Variants in SDK1 observed in about 807,000 individuals in gnomAD.
SDK1 encodes protein sidekick-1.
In SDK1, 157 loss-of-function variants were observed where a neutral mutation model predicts 245.5. The ratio of observed to expected loss-of-function variants is 0.64; its 90% CI spans 0.56 to 0.73. The LOEUF is 0.73. Among genes scored for constraint, SDK1 ranks in the 30% least tolerant of loss-of-function variants. SDK1 has a pLI of 0.00. For synonymous variants in SDK1, 1,647 were observed against 1,278.5 expected (o/e 1.29, Z -6.15); for missense variants, 3,583 against 3,002.3 (o/e 1.19, Z -4.52).
chr7:3,323,055 G>A (rs542069516), intron 1 of SDK1, among the ~76,000 whole-genome samples: 15 of 152,148 alleles, frequency 9.9e-5, no homozygotes, highest in Non-Finnish European at 2.1e-4. Flanking sequence ...GCCCATCTCG[G>A]CCTCCTAGAG....
chr7:4,168,129 G>A (rs1410947227), intron 32 of SDK1, among the ~76,000 whole-genome samples: 2 of 152,294 alleles, frequency 1.3e-5, no homozygotes, highest in East Asian at 1.9e-4. Context: ...TGTAAGTGAC[G>A]CTCCCACTGG....
chr7:3,687,431 A>G (rs1349196876), intron 4 of SDK1, among the ~76,000 whole-genome samples: 3 of 152,160 alleles, frequency 2.0e-5, no homozygotes, highest in Middle Eastern at 3.2e-3. Context: ...CCAGCCCCAT[A>G]GCATTTTTAT....
intron 1 of SDK1, among the ~76,000 whole-genome samples, chr7:3,412,600 C>G (rs1411361150): frequency 6.6e-6 from 1 of 152,218 alleles, no homozygotes; most frequent in Non-Finnish European, 1.5e-5. Context: ...CGTGTCATTT[C>G]ACACATGTGC....
chr7:4,267,375 G>A lies in SDK1; in HGVS notation c.*1991G>A. ...TCTCCTCCTTTTTCTGAGTGGAGGG[G>A]GAAATATTCTAAACCAAAAATCCTA... is the stretch of plus-strand genomic sequence containing the variant. On this transcript the variant is annotated 3_prime_UTR_variant, in exon 45 of 45. Transcript: ENST00000404826. The A allele has an allele frequency of 4.1e-6, 4 of 984,636 alleles. No homozygotes were observed. The highest frequency in any genetic ancestry group is 4.8e-6 in the Non-Finnish European group (4 of 829,694). The allele number at this position is 984,636 out of a possible 1,614,324, so 61.0% of individuals were successfully genotyped here. A position where few individuals can be genotyped will look rare whatever the true frequency, so the allele number is the denominator to read the frequency against.
chr7:3,789,283 G>A (rs969548273), intron 4 of SDK1, among the ~76,000 whole-genome samples: 2 of 152,156 alleles, frequency 1.3e-5, no homozygotes, highest in Admixed American at 1.3e-4. Context: ...AAGTAGCTGG[G>A]ATTCCAGGCA....
At chr7:3,991,265 G>A (rs765354099) in intron 14 of SDK1, among the ~76,000 whole-genome samples, 1 of 152,144 alleles carries the variant, frequency 6.6e-6, no homozygotes. Context: ...CGTGAGATGG[G>A]GCTGGGGCGT....
At chr7:4,262,545 C>T (rs1788085174) in intron 44 of SDK1, among the ~76,000 whole-genome samples, 2 of 151,756 alleles carry the variant, frequency 1.3e-5, no homozygotes, top group South Asian at 2.1e-4. Context: ...TTTGAGGGGC[C>T]AGGCCATTCA....
intron 5 of SDK1, among the ~76,000 whole-genome samples, chr7:3,935,606 C>A (rs1487174602): frequency 6.6e-6 from 1 of 152,162 alleles, no homozygotes; most frequent in African/African-American, 2.4e-5. Context: ...ATACAAATGA[C>A]TGGTAAGCAC....
intron 17 of SDK1, among the ~76,000 whole-genome samples, chr7:4,018,571 A>C (rs763743360): frequency 5.3e-5 from 8 of 152,258 alleles, no homozygotes; most frequent in Non-Finnish European, 8.8e-5. Flanking sequence ...TCTATTTAAT[A>C]AATTAACAAT....
intron 39 of SDK1, 45 bp from the exon 40 acceptor site, chr7:4,221,194 C>T: frequency 6.2e-7 from 1 of 1,607,034 alleles, no homozygotes; most frequent in Non-Finnish European, 8.5e-7. Flanking sequence ...GATGTGAGCC[C>T]CGCAGGGCTG....
intron 2 of SDK1, among the ~76,000 whole-genome samples, chr7:3,636,454 C>G (rs1562620037): frequency 6.6e-6 from 1 of 152,162 alleles, no homozygotes; most frequent in African/African-American, 2.4e-5. Context: ...TAAGTGGTAT[C>G]AGGTAGGATT....
chr7:3,305,826 T>A (rs1779404968), intron 1 of SDK1, among the ~76,000 whole-genome samples: 1 of 152,170 alleles, frequency 6.6e-6, no homozygotes, highest in African/African-American at 2.4e-5. Context: ...GTAGCTGTCC[T>A]TTATTGAACC....
At chr7:3,792,053 G>A (rs1376620721) in intron 4 of SDK1, among the ~76,000 whole-genome samples, 7 of 152,044 alleles carry the variant, frequency 4.6e-5, no homozygotes, top group East Asian at 1.9e-4. Context: ...GCTTGAACCC[G>A]GGAGTTCAAG....
intron 40 of SDK1, among the ~76,000 whole-genome samples, chr7:4,225,148 T>C (rs1785353596): frequency 6.6e-6 from 1 of 151,952 alleles, no homozygotes; most frequent in Admixed American, 6.6e-5. Flanking sequence ...GAAGGAGGCA[T>C]TCTGGATCTC....
intron 5 of SDK1, among the ~76,000 whole-genome samples, chr7:3,939,525 C>T (rs1780279527): frequency 6.6e-6 from 1 of 152,030 alleles, no homozygotes. Flanking sequence ...CAATAAAGTG[C>T]ATCTCAGAAT....
chr7:4,257,789 C>G (rs1271496967), intron 44 of SDK1, among the ~76,000 whole-genome samples: 4 of 152,222 alleles, frequency 2.6e-5, no homozygotes, highest in Non-Finnish European at 4.4e-5. Context: ...CTCACGGCCT[C>G]CCAGCTTTCC....
intron 5 of SDK1, among the ~76,000 whole-genome samples, chr7:3,845,894 A>G (rs1780266178): frequency 6.6e-6 from 1 of 152,234 alleles, no homozygotes; most frequent in Non-Finnish European, 1.5e-5. Context: ...GGTTTCTAGA[A>G]TAAATTCAGT....
At chr7:3,729,339 T>C (rs969151089) in intron 4 of SDK1, among the ~76,000 whole-genome samples, 3 of 152,246 alleles carry the variant, frequency 2.0e-5, no homozygotes, top group Non-Finnish European at 4.4e-5. Context: ...TTGAAAGTGC[T>C]TGCTCTAGCG....
chr7:3,632,383 AG>A (rs1226192509), intron 2 of SDK1, among the ~76,000 whole-genome samples: 1 of 152,230 alleles, frequency 6.6e-6, no homozygotes, highest in Non-Finnish European at 1.5e-5. Context: ...ATTAATTCTT[AG>A]GTCTTTGGAT....
Sources: gnomAD v4.1 joint callset for allele counts (sites outside exome capture counted in the v4.1 genomes callset) on GRCh38, gnomAD v4.1.1 for gene constraint, MANE v1.5 for transcripts, NCBI Gene and HGNC (gene_info 2026-07-23, HGNC 2026-07-21) for gene names.